Variants in KAZN observed in about 807,000 individuals in gnomAD.
KAZN encodes kazrin.
In KAZN, 40 loss-of-function variants were observed where a neutral mutation model predicts 87.4. The observed-to-expected ratio is 0.46, with a 90% CI of 0.36 to 0.60. The LOEUF (loss-of-function observed/expected upper bound fraction) is 0.60, where lower values mean the gene tolerates loss of function less well. Ranked by LOEUF, KAZN falls within the 20% of genes least tolerant of loss-of-function variation. KAZN has a pLI of 0.00. For synonymous variants in KAZN, 466 were observed against 458.3 expected (o/e 1.02, Z -0.22); for missense variants, 898 against 1,073.9 (o/e 0.84, Z 2.29).
At chr1:14,912,318 C>T (rs1657341539) in intron 1 of KAZN, among the ~76,000 whole-genome samples, 1 of 152,106 alleles carries the variant, frequency 6.6e-6, no homozygotes. Context: ...GATGGACAGA[C>T]CCAGGACATT....
intron 1 of KAZN, among the ~76,000 whole-genome samples, chr1:14,709,954 ATTCAAGGGAAGTTTCTGGTCT>A (rs1642401706): frequency 6.6e-6 from 1 of 152,196 alleles, no homozygotes; most frequent in African/African-American, 2.4e-5. Context: ...TGAGAGCATC[ATTCAAGGGAAGTTTCTGGTCT>A]TCACAGTATC....
At chr1:14,861,468 C>T (rs940785973) in intron 1 of KAZN, among the ~76,000 whole-genome samples, 1 of 152,190 alleles carries the variant, frequency 6.6e-6, no homozygotes, top group Non-Finnish European at 1.5e-5. Context: ...GGGATGTCAT[C>T]ATTGAGACAT....
chr1:14,312,939 C>G (rs1655403011), intron 2 of KAZN, among the ~76,000 whole-genome samples: 1 of 152,118 alleles, frequency 6.6e-6, no homozygotes. Flanking sequence ...GACTCTGGAA[C>G]AGAGGACCCA....
At chr1:14,042,436 A>C (rs1641878791) in intron 1 of KAZN, among the ~76,000 whole-genome samples, 1 of 152,168 alleles carries the variant, frequency 6.6e-6, no homozygotes, top group African/African-American at 2.4e-5. Context: ...AGTCTCAGCT[A>C]CCTCTGTACC....
intron 1 of KAZN, among the ~76,000 whole-genome samples, chr1:14,613,836 G>A (rs1187904959): frequency 6.6e-6 from 1 of 152,156 alleles, no homozygotes; most frequent in Non-Finnish European, 1.5e-5. Context: ...CAAGTGCCTT[G>A]GAAAACTATG....
At chr1:14,457,290 T>C (rs956252633) in intron 2 of KAZN, among the ~76,000 whole-genome samples, 5 of 152,226 alleles carry the variant, frequency 3.3e-5, no homozygotes, top group Non-Finnish European at 1.5e-5. Context: ...CATCTCTTCA[T>C]ATGCATGTTA....
chr1:14,142,251 G>C (rs1645256433), intron 1 of KAZN, among the ~76,000 whole-genome samples: 1 of 151,892 alleles, frequency 6.6e-6, no homozygotes, highest in Admixed American at 6.6e-5. Flanking sequence ...GTGCCCGCTT[G>C]AAGTCTTTAA....
At chr1:14,419,614 G>C (rs958168097) in intron 2 of KAZN, among the ~76,000 whole-genome samples, 4 of 152,226 alleles carry the variant, frequency 2.6e-5, no homozygotes, top group Non-Finnish European at 5.9e-5. Context: ...AGTTCTTAAA[G>C]GTAGTGTGTC....
Position 15,056,116 on chromosome 1 carries a change from C to T in KAZN, c.752C>T (p.Thr251Ile). Residue 251 changes from threonine (T) to isoleucine (I), a missense_variant, in exon 5 of 15, where the codon ACC becomes ATC. Coordinates refer to ENST00000376030, the MANE Select transcript of KAZN (RefSeq NM_201628.3). The surrounding 1 kb of genome is among the most constrained non-coding windows in gnomAD (Gnocchi z 5.4). ...AMAKQSLATL[T>I]KDVPKRHSLA... ...GCCAAACAGTCCTTAGCTACGCTGA[C>T]CAAGGACGTCCCCAAGCGGCATTCC... 6.2e-7 allele frequency: 1 copy of T among 1,613,432 alleles called. No individual in the cohort carries two copies. The highest frequency in any genetic ancestry group is 1.3e-5 in the African/African-American group (1 of 75,052).
intron 1 of KAZN, among the ~76,000 whole-genome samples, chr1:14,668,188 T>C (rs1195144215): frequency 6.6e-6 from 1 of 152,116 alleles, no homozygotes; most frequent in Admixed American, 6.6e-5. Flanking sequence ...CCTGGGAACT[T>C]CATATGTAAT....
chr1:14,145,154 T>G (rs1159885936), intron 1 of KAZN, among the ~76,000 whole-genome samples: 1 of 152,154 alleles, frequency 6.6e-6, no homozygotes, highest in African/African-American at 2.4e-5. Context: ...TCCCTTACAA[T>G]AGTCTTGGCT....
At chr1:14,301,480 C>A (rs948000066) in intron 2 of KAZN, among the ~76,000 whole-genome samples, 1 of 152,196 alleles carries the variant, frequency 6.6e-6, no homozygotes, top group Non-Finnish European at 1.5e-5. Flanking sequence ...TGTAGACACA[C>A]CCCTTCTGAA....
At chr1:14,615,336 C>G (rs995202704) in intron 1 of KAZN, among the ~76,000 whole-genome samples, 1 of 152,132 alleles carries the variant, frequency 6.6e-6, no homozygotes, top group African/African-American at 2.4e-5. Flanking sequence ...TAAAGAAGAG[C>G]AGAGTGGGCC....
At chr1:14,651,226 T>C (rs953382294) in intron 1 of KAZN, among the ~76,000 whole-genome samples, 1 of 152,180 alleles carries the variant, frequency 6.6e-6, no homozygotes, top group Non-Finnish European at 1.5e-5. Context: ...TTGTTGAAAA[T>C]GGAATGTGAT....
At chr1:14,683,506 C>G (rs1557887226) in intron 1 of KAZN, among the ~76,000 whole-genome samples, 4 of 152,204 alleles carry the variant, frequency 2.6e-5, no homozygotes, top group African/African-American at 7.2e-5. Flanking sequence ...ACTGCTTCCC[C>G]TACGTTTTCT....
chr1:14,622,398 G>T (rs530663817), intron 1 of KAZN, among the ~76,000 whole-genome samples: 1 of 152,128 alleles, frequency 6.6e-6, no homozygotes, highest in African/African-American at 2.4e-5. Context: ...TGTGTTTTTT[G>T]AAAATATTAA....
chr1:14,993,863 T>C (rs554468573), intron 2 of KAZN, among the ~76,000 whole-genome samples: 21 of 152,296 alleles, frequency 1.4e-4, no homozygotes, highest in African/African-American at 4.8e-4. Context: ...GTGTGTGGCA[T>C]TGGAGCTGGG....
chr1:14,453,268 C>CT, intron 2 of KAZN, among the ~76,000 whole-genome samples: 2 of 152,184 alleles, frequency 1.3e-5, no homozygotes, highest in African/African-American at 4.8e-5. Context: ...ATAGGCCTCT[C>CT]TTTTACTCTG....
intron 1 of KAZN, among the ~76,000 whole-genome samples, chr1:14,004,273 G>A (rs1417011268): frequency 3.3e-5 from 5 of 152,212 alleles, no homozygotes; most frequent in African/African-American, 1.2e-4. Context: ...ATTGCTGATA[G>A]TGGTGTAAAT....
Sources: allele counts gnomAD v4.1 joint callset (sites outside exome capture counted in the v4.1 genomes callset), GRCh38; gene constraint gnomAD v4.1.1; non-coding constraint Gnocchi (gnomAD v3.1); transcripts MANE v1.5; gene names NCBI Gene and HGNC (gene_info 2026-07-23, HGNC 2026-07-21).